Variants in NKAIN3 observed in about 807,000 individuals in gnomAD.
NKAIN3 encodes the protein sodium/potassium transporting ATPase interacting 3.
In NKAIN3, 25 loss-of-function variants were observed where a neutral mutation model predicts 30.2. The observed-to-expected ratio is 0.83, with a 90% CI of 0.60 to 1.16. NKAIN3 has a LOEUF of 1.16. NKAIN3 is among the 50% of genes most tolerant of loss of function. The pLI is 0.00. For missense variants in NKAIN3, 225 were observed against 254.1 expected, an observed-to-expected ratio of 0.89 and a Z score of 0.78; for synonymous variants, 91 against 89.6, an observed-to-expected ratio of 1.02 and a Z score of -0.09.
intron 3 of NKAIN3, among the ~76,000 whole-genome samples, chr8:62,646,293 T>C (rs547455903): frequency 2.0e-5 from 3 of 152,244 alleles, no homozygotes; most frequent in Non-Finnish European, 4.4e-5. Flanking sequence ...TTTTTAGAGA[T>C]GTAACCTAGT....
At chr8:62,542,068 C>G (rs58977391) in intron 1 of NKAIN3, among the ~76,000 whole-genome samples, 6,700 of 152,206 alleles carry the variant, frequency 0.044, 494 homozygotes, top group African/African-American at 0.15. Context: ...GGTCTTTTCT[C>G]CTGGTCTGGT....
intron 3 of NKAIN3, among the ~76,000 whole-genome samples, chr8:62,648,903 G>C (rs1358611991): frequency 6.6e-6 from 1 of 152,112 alleles, no homozygotes; most frequent in African/African-American, 2.4e-5. Flanking sequence ...TGAGACAGAG[G>C]GTGGTGTTGG....
intron 1 of NKAIN3, among the ~76,000 whole-genome samples, chr8:62,414,937 T>A (rs574704472): frequency 6.6e-6 from 1 of 150,814 alleles, no homozygotes; most frequent in South Asian, 2.1e-4. Context: ...ATTAAGATCA[T>A]GTGTTTTGAA....
At chr8:62,804,987 A>G (rs1484887712) in intron 4 of NKAIN3, among the ~76,000 whole-genome samples, 6 of 152,188 alleles carry the variant, frequency 3.9e-5, no homozygotes, top group East Asian at 1.9e-4. Flanking sequence ...AAAAATCACA[A>G]TCATTCTTAT....
chr8:62,723,218 T>C (rs183457082), intron 3 of NKAIN3, among the ~76,000 whole-genome samples: 1 of 152,146 alleles, frequency 6.6e-6, no homozygotes. Context: ...TAAAACAACA[T>C]TTATTATTTT....
chr8:62,391,203 T>C (rs1817575285), intron 1 of NKAIN3, among the ~76,000 whole-genome samples: 1 of 152,192 alleles, frequency 6.6e-6, no homozygotes, highest in Non-Finnish European at 1.5e-5. Flanking sequence ...TAAGATGGAT[T>C]AGATACTTAA....
At chr8:62,258,000 T>C (rs1238122907) in intron 1 of NKAIN3, among the ~76,000 whole-genome samples, 1 of 152,162 alleles carries the variant, frequency 6.6e-6, no homozygotes, top group Non-Finnish European at 1.5e-5. Context: ...ATCAATAGTC[T>C]TTGCTTTTAA....
rs1810603946 is a variant in NKAIN3 at position 62,589,982 on chromosome 8, G to C, written c.273+188G>C. ...CACTTAGGAAAGAATGATCTTAGGA[G>C]TGTGTTAATATCATGGAACTTCAAA... On this transcript the variant is annotated intron_variant, in intron 3 of 6. Transcript: ENST00000623646. Among the ~76,000 whole-genome samples, 3 of 151,138 alleles carry C rather than the reference G, an allele frequency of 2.0e-5. No homozygotes were observed. The South Asian group carries it at 6.2e-4, about 31-fold the overall frequency.
At chr8:62,778,315 G>T (rs1479950447) in intron 4 of NKAIN3, among the ~76,000 whole-genome samples, 6 of 152,106 alleles carry the variant, frequency 3.9e-5, no homozygotes, top group African/African-American at 1.2e-4. Context: ...TCCAAGGTAG[G>T]TTTAGAGATG....
chr8:62,942,686 T>C (rs556500826), intron 5 of NKAIN3, among the ~76,000 whole-genome samples: 84 of 152,148 alleles, frequency 5.5e-4, no homozygotes, highest in Admixed American at 2.2e-3. Flanking sequence ...AATAGGCACA[T>C]AGACCAATGG....
chr8:62,648,314 G>T (rs1310474576), intron 3 of NKAIN3, among the ~76,000 whole-genome samples: 1 of 152,092 alleles, frequency 6.6e-6, no homozygotes, highest in Non-Finnish European at 1.5e-5. Flanking sequence ...TATTGAGTGG[G>T]TGTTGTCTCT....
At position 62,573,014 on chromosome 8, in the gene NKAIN3, G is replaced by T. The variant is rs938475707; in HGVS notation, c.55-6525G>T. On this transcript the variant is annotated intron_variant, in intron 1 of 6. Coordinates refer to ENST00000623646, the MANE Select transcript of NKAIN3 (RefSeq NM_001304533.3). ...TGGGAGTATAGGTAGTTAATGCGGG[G>T]CATGGCTAATGATTCATAGACTTGC... 3.4e-4 allele frequency among the ~76,000 whole-genome samples: 52 copies of T among 152,260 alleles called. No homozygotes were observed. The Middle Eastern group carries it at 0.01, about 30-fold the overall frequency.
At chr8:62,353,742 T>A (rs951988928) in intron 1 of NKAIN3, among the ~76,000 whole-genome samples, 1 of 152,206 alleles carries the variant, frequency 6.6e-6, no homozygotes, top group Admixed American at 6.5e-5. Context: ...AGAGAATTTT[T>A]TGTCAAATGT....
chr8:62,769,517 A>G (rs1375795680), intron 4 of NKAIN3, among the ~76,000 whole-genome samples: 11 of 152,208 alleles, frequency 7.2e-5, no homozygotes, highest in Admixed American at 4.6e-4. Context: ...TATGCAAAAA[A>G]ATTCACCAAT....
intron 1 of NKAIN3, among the ~76,000 whole-genome samples, chr8:62,452,973 A>G (rs1054744922): frequency 2.6e-5 from 4 of 152,192 alleles, no homozygotes; most frequent in Non-Finnish European, 4.4e-5. Flanking sequence ...GACCCAAATT[A>G]AGTTTGGGTA....
chr8:62,792,929 C>T (rs1009954675), intron 4 of NKAIN3, among the ~76,000 whole-genome samples: 5 of 152,048 alleles, frequency 3.3e-5, no homozygotes, highest in African/African-American at 9.7e-5. Context: ...GGGTACTAAA[C>T]CCATGAAGGG....
chr8:62,769,366 GCTAAGGTACT>G (rs1816947699), intron 4 of NKAIN3, among the ~76,000 whole-genome samples: 1 of 152,118 alleles, frequency 6.6e-6, no homozygotes, highest in African/African-American at 2.4e-5. Flanking sequence ...ATCAATACAT[GCTAAGGTACT>G]CTACAGCCTG....
intron 6 of NKAIN3, among the ~76,000 whole-genome samples, chr8:62,963,309 AC>A (rs1478832877): frequency 6.6e-6 from 1 of 152,112 alleles, no homozygotes; most frequent in Non-Finnish European, 1.5e-5. Context: ...AAAACTCCCC[AC>A]AGACATGTTT....
chr8:62,997,213 A>G (rs956398616), intron 5 of NKAIN3, among the ~76,000 whole-genome samples: 1 of 152,236 alleles, frequency 6.6e-6, no homozygotes, highest in Admixed American at 6.5e-5. Flanking sequence ...CTTTGGAAAA[A>G]AGTTGCTTCT....
Sources: gnomAD v4.1 joint callset for allele counts (sites outside exome capture counted in the v4.1 genomes callset) on GRCh38, gnomAD v4.1.1 for gene constraint, MANE v1.5 for transcripts, NCBI Gene and HGNC (gene_info 2026-07-23, HGNC 2026-07-21) for gene names.